UBE2W: variants seen among roughly 807,000 people sequenced by gnomAD.
UBE2W encodes ubiquitin conjugating enzyme E2 W, also known as ubiquitin-conjugating enzyme E2 W.
A neutral mutation model predicts 27.2 loss-of-function variants in UBE2W; 18 were observed. The observed-to-expected ratio is 0.66, with a 90% CI of 0.46 to 0.98. UBE2W has a LOEUF of 0.98. Among genes scored for constraint, UBE2W ranks in the 50% least tolerant of loss-of-function variants. UBE2W has a pLI of 0.00. For synonymous variants in UBE2W, 53 were observed against 57.2 expected (o/e 0.93, Z 0.33); for missense variants, 90 against 180.2 (o/e 0.50, Z 2.87).
In UBE2W at chr8:73,791,248, T is replaced by TA. The variant is rs557728553; in HGVS notation, c.*2853dup. 4.1e-4 allele frequency: 400 copies of TA among 981,580 alleles called. No individual in the cohort carries two copies. Among genetic ancestry groups the TA allele is most frequent in the South Asian group, 7.5e-4 (16 of 21,238 alleles). The allele number at this position is 981,580 out of a possible 1,614,324, so 60.8% of individuals were successfully genotyped here. On this transcript the variant is annotated 3_prime_UTR_variant, in exon 6 of 6. Transcript: ENST00000602593. ...ATCCTTCTCTCTAAACCTATGGCAT[T>TA]AATCCCTACTTGACCAAAGAAAAAA...
At chr8:73,780,438 C>A (rs1290892038) in exon 5 of UBE2W, 1 of 445,490 alleles carries the variant, frequency 2.2e-6, no homozygotes, top group Non-Finnish European at 4.5e-6. Flanking sequence ...ATTTGAGGTA[C>A]TGGGAGTTAA....
intron 1 of UBE2W, among the ~76,000 whole-genome samples, chr8:73,860,950 T>C (rs79801339): frequency 0.057 from 8,648 of 151,872 alleles, 805 homozygotes; most frequent in African/African-American, 0.19. Context: ...CTGGGCAACA[T>C]TACAAAAAAT....
intron 4 of UBE2W, among the ~76,000 whole-genome samples, chr8:73,810,095 G>A (rs995351742): frequency 6.6e-6 from 1 of 152,078 alleles, no homozygotes; most frequent in Non-Finnish European, 1.5e-5. Context: ...GGTGGGAGCT[G>A]GCAGAGGGGA....
intron 1 of UBE2W, among the ~76,000 whole-genome samples, chr8:73,857,639 A>C (rs1165150866): frequency 6.6e-6 from 1 of 151,948 alleles, no homozygotes; most frequent in Non-Finnish European, 1.5e-5. Flanking sequence ...AATATAGTGA[A>C]ATCCTGTCGC....
At chr8:73,845,180 C>T (rs1236980076) in intron 1 of UBE2W, among the ~76,000 whole-genome samples, 1 of 152,190 alleles carries the variant, frequency 6.6e-6, no homozygotes, top group East Asian at 1.9e-4. Flanking sequence ...TGAGGAGCCC[C>T]TCTGCCTGGC....
rs1183137481 is a variant in UBE2W at position 73,793,941 on chromosome 8, A to C, written c.*161T>G. On this transcript the variant is annotated 3_prime_UTR_variant, in exon 6 of 6. Coordinates refer to ENST00000602593, the MANE Select transcript of UBE2W (RefSeq NM_018299.6). ...TGCCTGGACTGAACCAGCGATCAACATGCGCCCAGAATGCACACGAGTAAA... is the reference window on the plus strand; with the variant it reads ...TGCCTGGACTGAACCAGCGATCAACCTGCGCCCAGAATGCACACGAGTAAA... The C allele has an allele frequency of 1.1e-5, 16 of 1,455,472 alleles. No individual in the cohort carries two copies. In the Admixed American group the frequency reaches 4.4e-4, roughly 40 times the overall value. 90.2% of individuals were successfully genotyped at this position (1,455,472 alleles called of 1,614,324 possible).
At chr8:73,845,140 C>T (rs1031234855) in intron 1 of UBE2W, among the ~76,000 whole-genome samples, 9 of 90,478 alleles carry the variant, frequency 9.9e-5, no homozygotes, top group Admixed American at 2.7e-4. Context: ...AGGTGGTGGG[C>T]GCCTCTGCCC....
chr8:73,786,120 T>C (rs1807946208), downstream of UBE2W: 2 of 724,010 alleles, frequency 2.8e-6, no homozygotes, highest in South Asian at 1.3e-4. Flanking sequence ...GATTTTATGG[T>C]TCCTGAGATG....
At chr8:73,805,601 A>ATG (rs1808868170) in intron 5 of UBE2W, 50 bp downstream of exon 5, 1 of 1,149,550 alleles carries the variant, frequency 8.7e-7, no homozygotes, top group Non-Finnish European at 1.2e-6. Context: ...AAATATATAT[A>ATG]ATCTTCATAT....
At chr8:73,784,628 A>G (rs1179598627), downstream of UBE2W, among the ~76,000 whole-genome samples, 2 of 152,158 alleles carry the variant, frequency 1.3e-5, no homozygotes, top group African/African-American at 2.4e-5. Flanking sequence ...CCAGTCAGGG[A>G]CCACACCTTA....
At chr8:73,839,941 G>A (rs930544042) in intron 1 of UBE2W, among the ~76,000 whole-genome samples, 2 of 151,724 alleles carry the variant, frequency 1.3e-5, no homozygotes, top group Admixed American at 6.6e-5. Flanking sequence ...TCACCATGTT[G>A]GCCAAGCTGG....
At chr8:73,823,105 G>A (rs1337320474) in intron 3 of UBE2W, among the ~76,000 whole-genome samples, 1 of 152,064 alleles carries the variant, frequency 6.6e-6, no homozygotes, top group Non-Finnish European at 1.5e-5. Flanking sequence ...GGTGACTGAA[G>A]GTGAAAGAAG....
intron 1 of UBE2W, among the ~76,000 whole-genome samples, chr8:73,875,710 G>A (rs1350025829): frequency 6.6e-6 from 1 of 152,024 alleles, no homozygotes; most frequent in Non-Finnish European, 1.5e-5. Context: ...CAATTTCCTA[G>A]TCTTCTTCCA....
In UBE2W at chr8:73,790,141, C is replaced by A. The variant is rs1808130617; in HGVS notation, c.*3961G>T. 1 of 984,056 alleles carries A rather than the reference C, an allele frequency of 1.0e-6. No individual in the cohort carries two copies. The highest frequency in any genetic ancestry group is 1.8e-5 in the African/African-American group (1 of 56,880). 61.0% of individuals were successfully genotyped at this position (984,056 alleles called of 1,614,324 possible). ...TTTTAAATTTTTCAAAAATTCATGG[C>A]ATAATTTTAATAATCGTCCTTCTGT... On this transcript the variant is annotated 3_prime_UTR_variant, in exon 6 of 6. Coordinates refer to ENST00000602593, the MANE Select transcript of UBE2W (RefSeq NM_018299.6).
At chr8:73,877,532 G>T (rs1442060405) in intron 1 of UBE2W, among the ~76,000 whole-genome samples, 1 of 152,090 alleles carries the variant, frequency 6.6e-6, no homozygotes, top group Admixed American at 6.5e-5. Flanking sequence ...TTGTACAAAA[G>T]AGGAAGAAGA....
At chr8:73,868,589 C>T (rs1811872530) in intron 1 of UBE2W, among the ~76,000 whole-genome samples, 1 of 151,932 alleles carries the variant, frequency 6.6e-6, no homozygotes, top group Non-Finnish European at 1.5e-5. Context: ...GAACCTACAA[C>T]TTGTGACTGG....
chr8:73,804,232 A>G (rs1032224013), intron 5 of UBE2W, among the ~76,000 whole-genome samples: 1 of 151,444 alleles, frequency 6.6e-6, no homozygotes, highest in African/African-American at 2.4e-5. Flanking sequence ...AGAAGGTCAT[A>G]GTTCAATTAG....
At chr8:73,785,638 C>CTGGA (rs541128764), downstream of UBE2W, among the ~76,000 whole-genome samples, 272 of 152,148 alleles carry the variant, frequency 1.8e-3, 3 homozygotes, top group Non-Finnish European at 3.4e-4. Context: ...CTGTCCCAGG[C>CTGGA]TGGAGTGCAA....
intron 1 of UBE2W, among the ~76,000 whole-genome samples, chr8:73,872,241 C>T (rs767162872): frequency 6.6e-5 from 10 of 152,190 alleles, no homozygotes; most frequent in African/African-American, 9.6e-5. Flanking sequence ...AATGTGCACA[C>T]AGTGACTACC....
Sources: allele counts gnomAD v4.1 joint callset (sites outside exome capture counted in the v4.1 genomes callset), GRCh38; gene constraint gnomAD v4.1.1; transcripts MANE v1.5; gene names NCBI Gene and HGNC (gene_info 2026-07-23, HGNC 2026-07-21).